Variants in IFT172 observed in about 807,000 individuals in gnomAD.
The protein encoded by IFT172 is intraflagellar transport 172.
A neutral mutation model predicts 248.9 loss-of-function variants in IFT172; 164 were observed. That is an observed-to-expected ratio of 0.66 (90% confidence interval 0.58 to 0.75). The LOEUF is 0.75. Ranked by LOEUF, IFT172 falls within the 30% of genes least tolerant of loss-of-function variation. The probability of loss-of-function intolerance (pLI) is 0.00; values close to 1 mark genes in which losing one functional copy is unlikely to be tolerated. For missense variants in IFT172, 1,950 were observed against 2,192.4 expected (o/e 0.89, Z 2.21); for synonymous variants, 729 against 791.6 (o/e 0.92, Z 1.33).
chr2:27,459,268 G>A, intron 25 of IFT172, 110 bp downstream of exon 25: 1 of 1,364,866 alleles, frequency 7.3e-7, no homozygotes, highest in African/African-American at 1.4e-5. Context: ...ATGCTGTTTG[G>A]AGCCCAGAAA....
At chr2:27,461,119 G>A (rs1666626365) in intron 22 of IFT172, 26 bp from the exon 23 acceptor site, 4 of 1,614,058 alleles carry the variant, frequency 2.5e-6, no homozygotes, top group Non-Finnish European at 3.4e-6. Flanking sequence ...ACATTACTAT[G>A]ATACCCCTAC....
intron 16 of IFT172, 110 bp from the exon 17 acceptor site, chr2:27,465,992 A>C (rs1667066598): frequency 8.1e-7 from 1 of 1,239,050 alleles, no homozygotes; most frequent in Non-Finnish European, 1.1e-6. Flanking sequence ...AGAGAGTCAC[A>C]GCGGCCCTGA....
intron 35 of IFT172, 36 bp from the exon 36 acceptor site, chr2:27,450,132 G>C (rs370095842): frequency 1.3e-6 from 2 of 1,486,080 alleles, no homozygotes; most frequent in African/African-American, 2.8e-5. Context: ...ATGGGTAGGA[G>C]AGACAAATAC....
chr2:27,489,397 T>A (rs889736701), intron 1 of IFT172, among the ~76,000 whole-genome samples: 8 of 152,190 alleles, frequency 5.3e-5, no homozygotes, highest in African/African-American at 1.9e-4. Flanking sequence ...ATGGGGCCTG[T>A]ACACAACTGA....
intron 1 of IFT172, among the ~76,000 whole-genome samples, chr2:27,487,574 T>C (rs1668858222): frequency 6.6e-6 from 1 of 152,148 alleles, no homozygotes; most frequent in Admixed American, 6.5e-5. Flanking sequence ...TTGTAAGTGG[T>C]AGGACCATGA....
chr2:27,463,529 CTTT>C (rs35768559), intron 18 of IFT172, among the ~76,000 whole-genome samples: 18 of 129,706 alleles, frequency 1.4e-4, no homozygotes, highest in Admixed American at 3.1e-4. Context: ...ATTCTTTTCT[CTTT>C]TTTTTTTTTT....
rs1258203154 is a variant in IFT172, at chr2:27,444,443, A to C, written c.5239T>G (p.Ser1747Ala). Reference protein sequence around the residue: ...WCGGLPSTSFSFQ With the variant: ...WCGGLPSTSFAFQ ...CTCAGCTCTACCAACTACTGAAAGG[A>C]AAAGCTGGTGCTGGGGAGCCCTCCA... is the stretch of plus-strand genomic sequence containing the variant. Residue 1747 changes from serine (S) to alanine (A), a missense_variant, in exon 48 of 48, where the codon TCC (serine) becomes GCC (alanine). Physicochemically the swap from Ser to Ala is moderately conservative, Grantham distance 99. Coordinates refer to ENST00000260570, the MANE Select transcript of IFT172 (RefSeq NM_015662.3). 1.2e-6 allele frequency: 2 copies of C among 1,611,680 alleles called. No homozygotes were observed. The highest frequency in any genetic ancestry group is 8.5e-7 in the Non-Finnish European group (1 of 1,178,442).
intron 25 of IFT172, 53 bp from the exon 26 acceptor site, chr2:27,458,921 G>A: frequency 6.3e-7 from 1 of 1,589,566 alleles, no homozygotes; most frequent in East Asian, 2.2e-5. Flanking sequence ...ACTTAAAGCA[G>A]CTTGAATGAG....
rs1558358092 is a variant in IFT172 at position 27,449,818 on chromosome 2, A to G, written c.4051-18T>C. 5.7e-6 allele frequency: 9 copies of G among 1,578,210 alleles called. No homozygotes were observed. Among genetic ancestry groups the G allele is most frequent in the Non-Finnish European group, 6.1e-6 (7 of 1,151,940 alleles). On this transcript the variant is annotated intron_variant, in intron 36 of 47. Transcript: ENST00000260570. The stretch of plus-strand genomic sequence containing the variant: ...TCTGCAGCCTGCACAGTGGGAAATC[A>G]GCGTGGAGACTTTCTCCTCGCTCCC...
chr2:27,467,418 GAAAAAAAAAAA>G (rs34115935), intron 16 of IFT172, among the ~76,000 whole-genome samples: 6 of 16,428 alleles, frequency 3.7e-4, no homozygotes, highest in South Asian at 3.3e-3. Flanking sequence ...ACAGAAAATT[GAAAAAAAAAAA>G]AAAAAAAAAA....
At chr2:27,476,845 A>C in intron 13 of IFT172, 119 bp from the exon 14 acceptor site, 3 of 659,654 alleles carry the variant, frequency 4.5e-6, no homozygotes, top group Non-Finnish European at 8.0e-6. Context: ...ATTTTGAGAC[A>C]GGGTCTCACT....
chr2:27,463,299 C>CAT, intron 18 of IFT172, 118 bp from the exon 19 acceptor site: 1 of 925,766 alleles, frequency 1.1e-6, no homozygotes, highest in Non-Finnish European at 1.7e-6. Flanking sequence ...TGTCTTGTCA[C>CAT]TGGAGACATA....
rs1485292515 is a variant in IFT172, at chr2:27,465,777, C to T, written c.1798G>A (p.Gly600Arg). 2 of 1,614,006 alleles carry T rather than the reference C, an allele frequency of 1.2e-6. No homozygotes were observed. Among genetic ancestry groups the T allele is most frequent in the Non-Finnish European group, 1.7e-6 (2 of 1,180,016 alleles). The change falls in exon 17 of 48, where the codon GGA (glycine) becomes AGA (arginine). Residue 600 changes from glycine to arginine, a missense_variant. Physicochemically the swap from Gly to Arg is moderately radical, Grantham distance 125 (BLOSUM62 -2). This residue lies in a region of IFT172 where 1,166 missense variants were observed against 1,254.1 expected (regional missense o/e 0.93). Transcript: ENST00000260570. ...YTLDEGLIEF[G>R]TAIDDGNYIR... is the part of the protein sequence containing the mutation. Reference sequence around the variant, plus strand: ...TAGTTGCCATCATCAATGGCTGTTCCAAACTCGATGAGGCCCTCATCCAAT... The same window carrying T: ...TAGTTGCCATCATCAATGGCTGTTCTAAACTCGATGAGGCCCTCATCCAAT...
chr2:27,485,140 T>TAA lies in IFT172; in HGVS notation c.184-12_184-11dup. The TAA allele has an allele frequency of 7.5e-5, 97 of 1,290,584 alleles. No individual in the cohort carries two copies. The highest frequency in any genetic ancestry group is 9.4e-5 in the South Asian group (7 of 74,514). The allele number at this position is 1,290,584 out of a possible 1,614,324, so 79.9% of individuals were successfully genotyped here. On this transcript the variant is annotated splice_polypyrimidine_tract_variant and intron_variant, in intron 2 of 47. Transcript: ENST00000260570. ...AGCTCTTCCTGCCATACTAAGAGTT[T>TAA]AAAAAAAAAAAAAGAAAGAAAAAGA...
At chr2:27,455,875 T>G in intron 30 of IFT172, 1 of 404,416 alleles carries the variant, frequency 2.5e-6, no homozygotes, top group Non-Finnish European at 4.7e-6. Flanking sequence ...ATGTAATACA[T>G]ATTTACAAAT....
At chr2:27,455,753 C>G in intron 30 of IFT172, 1 of 441,222 alleles carries the variant, frequency 2.3e-6, no homozygotes, top group South Asian at 1.8e-5. Flanking sequence ...AATCTGCTCC[C>G]ATCCTGCCAG....
chr2:27,461,687 CT>C, intron 21 of IFT172, 71 bp downstream of exon 21: 1 of 1,598,796 alleles, frequency 6.3e-7, no homozygotes, highest in African/African-American at 1.3e-5. Flanking sequence ...CTATGGCCTC[CT>C]TGACAAAAGG....
chr2:27,483,261 A>C (rs772855800), intron 7 of IFT172, 28 bp downstream of exon 7: 2 of 1,308,744 alleles, frequency 1.5e-6, no homozygotes, highest in South Asian at 2.4e-5. Flanking sequence ...AAGCAATCCA[A>C]GCCTCCCACA....
chr2:27,469,781 G>A (rs546789105), intron 16 of IFT172, among the ~76,000 whole-genome samples: 4 of 152,072 alleles, frequency 2.6e-5, no homozygotes, highest in Admixed American at 1.3e-4. Flanking sequence ...GCAGTGAGCC[G>A]AGATGACGCC....
Sources: allele counts gnomAD v4.1 joint callset (sites outside exome capture counted in the v4.1 genomes callset), GRCh38; gene constraint gnomAD v4.1.1; regional missense constraint gnomAD v4.1.1; transcripts MANE v1.5; gene names NCBI Gene and HGNC (gene_info 2026-07-23, HGNC 2026-07-21).